UMOD: variants seen among roughly 807,000 people sequenced by gnomAD.
UMOD encodes Tamm-Horsfall urinary glycoprotein.
UMOD carries 64 observed loss-of-function variants against 66.0 expected under a neutral mutation model. The ratio of observed to expected loss-of-function variants is 0.97; its 90% confidence interval spans 0.79 to 1.19. The LOEUF (loss-of-function observed/expected upper bound fraction) is 1.19, where lower values mean the gene tolerates loss of function less well. Ranked by LOEUF, UMOD falls within the 50% of genes most tolerant of loss-of-function variation. The probability of loss-of-function intolerance (pLI) is 0.00; values close to 1 mark genes in which losing one functional copy is unlikely to be tolerated. For missense variants in UMOD, 764 were observed against 850.9 expected, an observed-to-expected ratio of 0.90 and a Z score of 1.27; for synonymous variants, 398 against 352.7, an observed-to-expected ratio of 1.13 and a Z score of -1.44.
chr16:20,354,265 T>G (rs1965996034), upstream of UMOD, among the ~76,000 whole-genome samples: 1 of 152,186 alleles, frequency 6.6e-6, no homozygotes, highest in Non-Finnish European at 1.5e-5. Context: ...GCACTGGTGT[T>G]GTCATCTCCT....
chr16:20,340,462 G>A (rs199528120), intron 7 of UMOD, among the ~76,000 whole-genome samples: 21 of 101,162 alleles, frequency 2.1e-4, no homozygotes, highest in Non-Finnish European at 3.8e-4. Context: ...GTATATATAT[G>A]TGTGTGTGTG....
At position 20,349,814 on chromosome 16, in the gene UMOD, G is replaced by A. The variant is rs74778184; in HGVS notation, c.89-602C>T. 6,813 of 1,549,254 alleles carry A rather than the reference G, an allele frequency of 4.4e-3. 248 individuals are homozygous for A. The African/African-American group carries it at 0.082, about 19-fold the overall frequency. On this transcript the variant is annotated intron_variant, in intron 2 of 10. Transcript: ENST00000396138. ...CTTCATCAGGACCCTGCTCAGTGTCGCCTCCTCTCTGCGGAGTCCTCCAAC... is the reference window on the plus strand; with the variant it reads ...CTTCATCAGGACCCTGCTCAGTGTCACCTCCTCTCTGCGGAGTCCTCCAAC...
intron 1 of UMOD, chr16:20,351,339 T>TG (rs1965884356): frequency 5.8e-6 from 1 of 171,954 alleles, no homozygotes; most frequent in Non-Finnish European, 1.3e-5. Flanking sequence ...ACGAGCAACT[T>TG]GAGAGGTAAT....
Position 20,348,428 on chromosome 16 carries a change from C to A in UMOD, c.865+8G>T, listed in dbSNP as rs775006735. The A allele has an allele frequency of 6.2e-7, 1 of 1,613,984 alleles. No individual in the cohort carries two copies. The highest frequency in any genetic ancestry group is 1.1e-5 in the South Asian group (1 of 91,072). Reference sequence around the variant, plus strand: ...TGGGATGAGGACTGTGGGGAGACTCCGGCTGACCTGTGCAGTACGCCAGGT... The same window carrying A: ...TGGGATGAGGACTGTGGGGAGACTCAGGCTGACCTGTGCAGTACGCCAGGT... On this transcript the variant is annotated splice_region_variant and intron_variant, in intron 3 of 10. Transcript: ENST00000396138.
rs940152099 is a variant in UMOD at position 20,348,964 on chromosome 16, C to T, written c.337G>A (p.Ala113Thr). Residue 113 changes from alanine (A) to threonine (T), a missense_variant, in exon 3 of 11, where the codon GCT becomes ACT. Physicochemically the swap from Ala to Thr is moderately conservative, Grantham distance 58. Coordinates refer to ENST00000396138, the MANE Select transcript of UMOD (RefSeq NM_003361.4). ...TGGCAGTGGCTAAGCCCAGGCTCAG[C>T]GCACTCATCCACGTCTGTGCAGCCG... is the stretch of plus-strand genomic sequence containing the variant. ...GLGCTDVDEC[A>T]EPGLSHCHAL... 14 of 1,572,836 alleles carry T rather than the reference C, an allele frequency of 8.9e-6. No homozygotes were observed. Among genetic ancestry groups the T allele is most frequent in the Non-Finnish European group, 9.5e-6 (11 of 1,159,310 alleles).
intron 5 of UMOD, among the ~76,000 whole-genome samples, chr16:20,344,690 G>GA (rs34857077): frequency 1.3e-5 from 2 of 151,272 alleles, no homozygotes; most frequent in Admixed American, 6.6e-5. Flanking sequence ...TTATAAATTA[G>GA]AAAAAAAAAG....
intron 8 of UMOD, among the ~76,000 whole-genome samples, chr16:20,337,007 C>T (rs1324522342): frequency 6.6e-6 from 1 of 152,192 alleles, no homozygotes; most frequent in Non-Finnish European, 1.5e-5. Flanking sequence ...GCATTAAAAG[C>T]TAACACAAAT....
At chr16:20,337,148 G>T in intron 8 of UMOD, 143 bp downstream of exon 8, 1 of 1,161,104 alleles carries the variant, frequency 8.6e-7, no homozygotes, top group Non-Finnish European at 1.2e-6. Flanking sequence ...TAGGTTTCCT[G>T]CCTAGCCACG....
chr16:20,343,990 A>G (rs773337423), intron 6 of UMOD, 34 bp downstream of exon 6: 4 of 1,612,164 alleles, frequency 2.5e-6, no homozygotes, highest in East Asian at 4.5e-5. Flanking sequence ...GGTTAGAACC[A>G]TCTAGGGGCC....
chr16:20,350,386 G>T (rs1567312518), intron 2 of UMOD, among the ~76,000 whole-genome samples: 1 of 152,200 alleles, frequency 6.6e-6, no homozygotes, highest in Non-Finnish European at 1.5e-5. Context: ...CCCAGTATGA[G>T]CATCGCCTGG....
In UMOD at chr16:20,337,673, C is replaced by T. The variant is rs72776658; in HGVS notation, c.1578-220G>A. 0.016 allele frequency among the ~76,000 whole-genome samples: 2,458 copies of T among 152,188 alleles called. 34 individuals carry two copies. Among genetic ancestry groups the T allele is most frequent in the Middle Eastern group, 0.054 (16 of 294 alleles). ...TTAAATTCGTTAATTTCTCAAAGTG[C>T]GTAGAACTGTGTGTAGCATGCCATA... On this transcript the variant is annotated intron_variant, in intron 7 of 10. Transcript: ENST00000396138.
At chr16:20,349,684 A>C (rs751210184) in intron 2 of UMOD, 1 of 1,472,590 alleles carries the variant, frequency 6.8e-7, no homozygotes, top group Non-Finnish European at 9.0e-7. Flanking sequence ...ACATTCAGAA[A>C]AGTAATGCGC....
rs1453248070 is a variant in UMOD, at chr16:20,344,324, CG to C, written c.1183-153del. 10 of 780,726 alleles carry C rather than the reference CG, an allele frequency of 1.3e-5. No homozygotes were observed. In the Admixed American group the frequency reaches 1.8e-4, roughly 14 times the overall value. The allele number at this position is 780,726 out of a possible 1,614,324, so 48.4% of individuals were successfully genotyped here. ...TCCTTGATAAAAAGCTGCCTGTGGC[CG>C]GGCGCATTAGCTCACGCTTGTAATC... On this transcript the variant is annotated intron_variant, in intron 5 of 10. Transcript: ENST00000396138.
In UMOD at chr16:20,350,853, T is replaced by C. The variant is rs757253229; in HGVS notation, c.-102-14A>G. On this transcript the variant is annotated splice_polypyrimidine_tract_variant and intron_variant, in intron 1 of 10. Transcript: ENST00000396138. ...ATGTCTGGTGTCCTGTGAACAGAGA[T>C]GGATGGGACAAATGCATGATCTAAC... 6.4e-6 allele frequency: 10 copies of C among 1,552,882 alleles called. No homozygotes were observed. In the Admixed American group the frequency reaches 1.5e-4, roughly 24 times the overall value.
Position 20,337,371 on chromosome 16 carries a change from G to C in UMOD, c.1660C>G (p.Arg554Gly). The change falls in exon 8 of 11, where the codon CGG becomes GGG. Residue 554 changes from arginine (R) to glycine (G), a missense_variant. Physicochemically the swap from Arg to Gly is moderately radical, Grantham distance 125. Coordinates refer to ENST00000396138, the MANE Select transcript of UMOD (RefSeq NM_003361.4). ...SQGRFSVQMF[R>G]FAGNYDLVYL... ...ACTAGGTCATAGTTTCCAGCAAACC[G>C]GAACATCTGGACGGAAAATCGGCCC... 3 of 1,614,168 alleles carry C rather than the reference G, an allele frequency of 1.9e-6. No homozygotes were observed. Among genetic ancestry groups the C allele is most frequent in the Admixed American group, 1.7e-5 (1 of 60,020 alleles).
At chr16:20,334,032 C>CAA (rs575596167) in intron 10 of UMOD, among the ~76,000 whole-genome samples, 985 of 56,266 alleles carry the variant, frequency 0.018, 46 homozygotes, top group African/African-American at 0.029. Flanking sequence ...GATTCCATCT[C>CAA]AAAAAAAAAA....
chr16:20,348,200 CG>C, intron 4 of UMOD, 22 bp downstream of exon 4: 2 of 1,608,492 alleles, frequency 1.2e-6, no homozygotes, highest in Middle Eastern at 3.3e-4. Context: ...CTCAACAACC[CG>C]CTTCCTCCCC....
intron 1 of UMOD, among the ~76,000 whole-genome samples, chr16:20,351,977 C>G (rs1020657561): frequency 6.7e-6 from 1 of 149,592 alleles, no homozygotes; most frequent in East Asian, 2.0e-4. Flanking sequence ...GAGATCGTGC[C>G]ACTGCACTCC....
chr16:20,341,551 G>C (rs1330707741), intron 6 of UMOD, among the ~76,000 whole-genome samples: 1 of 152,194 alleles, frequency 6.6e-6, no homozygotes, highest in Non-Finnish European at 1.5e-5. Context: ...GATTTGGTGA[G>C]TATTGGGGTG....
Sources: gnomAD v4.1 joint callset for allele counts (sites outside exome capture counted in the v4.1 genomes callset) on GRCh38, gnomAD v4.1.1 for gene constraint, MANE v1.5 for transcripts, NCBI Gene and HGNC (gene_info 2026-07-23, HGNC 2026-07-21) for gene names.